RIPOR2: variants seen among roughly 807,000 people sequenced by gnomAD.
RIPOR2 encodes the protein RHO family interacting cell polarization regulator 2, also known as rho family-interacting cell polarization regulator 2.
RIPOR2 carries 39 observed loss-of-function variants against 114.5 expected under a neutral mutation model. The ratio of observed to expected loss-of-function variants is 0.34; its 90% CI spans 0.26 to 0.44. RIPOR2 has a LOEUF of 0.44. RIPOR2 is among the 20% of genes least tolerant of loss of function. The pLI is 1.00. For synonymous variants in RIPOR2, 445 were observed against 484.4 expected, an observed-to-expected ratio of 0.92 and a Z score of 1.07; for missense variants, 1,007 against 1,255.1, an observed-to-expected ratio of 0.80 and a Z score of 2.99.
At chr6:24,930,976 C>T (rs1422950369) in intron 1 of RIPOR2, among the ~76,000 whole-genome samples, 1 of 152,154 alleles carries the variant, frequency 6.6e-6, no homozygotes, top group Non-Finnish European at 1.5e-5. Context: ...ATCTCCAATC[C>T]TCTCTAGCCA....
intron 15 of RIPOR2, among the ~76,000 whole-genome samples, chr6:24,833,853 T>A (rs2113691575): frequency 6.6e-6 from 1 of 152,274 alleles, no homozygotes; most frequent in Non-Finnish European, 1.5e-5. Flanking sequence ...AAACACTGCA[T>A]TGACTGCTTG....
intron 1 of RIPOR2, among the ~76,000 whole-genome samples, chr6:24,993,066 T>G (rs1336866280): frequency 6.6e-6 from 1 of 152,198 alleles, no homozygotes; most frequent in African/African-American, 2.4e-5. Context: ...TTGTTTGTAT[T>G]TCTGTCAGAT....
chr6:24,958,058 T>A (rs1773123700), intron 1 of RIPOR2, among the ~76,000 whole-genome samples: 1 of 151,746 alleles, frequency 6.6e-6, no homozygotes, highest in Admixed American at 6.6e-5. Flanking sequence ...AAGGATATAA[T>A]CTAAGAGAAC....
chr6:24,863,760 A>G (rs369303242), intron 7 of RIPOR2, among the ~76,000 whole-genome samples: 1 of 152,240 alleles, frequency 6.6e-6, no homozygotes, highest in African/African-American at 2.4e-5. Context: ...TGTTCATGTC[A>G]CATTATTTAT....
In RIPOR2 at chr6:24,839,687, G is replaced by A. The variant is rs1761463647; in HGVS notation, c.1858-415C>T. On this transcript the variant is annotated intron_variant, in intron 13 of 21. Coordinates refer to ENST00000643898, the MANE Select transcript of RIPOR2 (RefSeq NM_001286445.3). ...GTCAACCACAAAGCCTTGGGAAACA[G>A]AACTGCTATATCCCTCTGCCTAGTG... 3 of 1,517,830 alleles carry A rather than the reference G, an allele frequency of 2.0e-6. No individual in the cohort carries two copies. In the East Asian group the frequency reaches 7.4e-5, roughly 37 times the overall value. 94.0% of individuals were successfully genotyped at this position (1,517,830 alleles called of 1,614,324 possible).
rs1760354874 is a variant in RIPOR2, at chr6:24,828,235, A to G, written c.2567T>C (p.Leu856Pro). 6.4e-7 allele frequency: 1 copy of G among 1,551,420 alleles called. No individual in the cohort carries two copies. The highest frequency in any genetic ancestry group is 8.7e-7 in the Non-Finnish European group (1 of 1,146,774). ...GAAAACAGTGACGACTTCCGAGGAC[A>G]GGCTGGAGGAAAGCAGAGGCTCAGC... Reference protein sequence around the residue: ...DRAEPLLSSSLSSEVVTVFQY... With the variant: ...DRAEPLLSSSPSSEVVTVFQY... The change falls in exon 18 of 22, where the codon CTG (leucine) becomes CCG (proline). Residue 856 changes from leucine (L) to proline (P), a missense_variant. Physicochemically the swap from Leu to Pro is moderately conservative, Grantham distance 98 (BLOSUM62 -3). Transcript: ENST00000643898.
intron 16 of RIPOR2, 51 bp from the exon 17 acceptor site, chr6:24,830,721 A>G (rs533284466): frequency 5.1e-5 from 77 of 1,504,620 alleles, no homozygotes; most frequent in Admixed American, 4.3e-4. Context: ...ATTTTATTTT[A>G]TTTTATTTTT....
intron 1 of RIPOR2, among the ~76,000 whole-genome samples, chr6:25,035,543 G>T (rs1777201733): frequency 6.6e-6 from 1 of 152,166 alleles, no homozygotes; most frequent in African/African-American, 2.4e-5. Context: ...TTCTGCTGTG[G>T]TCTGGGACAC....
chr6:24,872,945 A>T lies in RIPOR2; in HGVS notation c.359T>A (p.Val120Asp). The T allele has an allele frequency of 6.2e-7, 1 of 1,608,080 alleles. No individual in the cohort carries two copies. The highest frequency in any genetic ancestry group is 8.5e-7 in the Non-Finnish European group (1 of 1,174,768). Residue 120 changes from valine (V) to aspartate (D), a missense_variant, in exon 4 of 22, where the codon GTT becomes GAT. Val to Asp is a radical substitution (Grantham distance 152). Coordinates refer to ENST00000643898, the MANE Select transcript of RIPOR2 (RefSeq NM_001286445.3). ...CAACTTGTCCAGCTCCGTCTGGTGA[A>T]CCTCCAGATATTCACTGCAAAGATA... ...LKNGLDEYLE[V>D]HQTELDKLTA...
At chr6:24,860,843 G>A in intron 8 of RIPOR2, 130 bp downstream of exon 8, 2 of 599,620 alleles carry the variant, frequency 3.3e-6, no homozygotes, top group Non-Finnish European at 3.0e-6. Context: ...ATCAAAAGTG[G>A]GGTGGGTTGA....
chr6:24,948,773 C>A (rs188692280), intron 1 of RIPOR2, among the ~76,000 whole-genome samples: 4 of 152,150 alleles, frequency 2.6e-5, no homozygotes, highest in African/African-American at 9.7e-5. Context: ...TCAGGTGATC[C>A]GCTCACCTTG....
chr6:24,972,500 G>A (rs1347218255), intron 1 of RIPOR2, among the ~76,000 whole-genome samples: 1 of 152,156 alleles, frequency 6.6e-6, no homozygotes, highest in Admixed American at 6.5e-5. Context: ...CAGGCATTAT[G>A]ACATTTACCC....
chr6:24,983,193 TAC>T (rs5875016), intron 1 of RIPOR2, among the ~76,000 whole-genome samples: 24,764 of 147,020 alleles, frequency 0.17, 2,732 homozygotes, highest in East Asian at 0.53. Context: ...GTTGAACACG[TAC>T]ACACACACAC....
chr6:24,925,374 T>C (rs1290750614), intron 1 of RIPOR2, among the ~76,000 whole-genome samples: 1 of 152,204 alleles, frequency 6.6e-6, no homozygotes, highest in Non-Finnish European at 1.5e-5. Context: ...ATGATGCTTC[T>C]GACCCACCAT....
intron 1 of RIPOR2, among the ~76,000 whole-genome samples, chr6:24,920,535 T>C (rs1187497300): frequency 6.6e-6 from 1 of 152,208 alleles, no homozygotes. Flanking sequence ...CATGGTCTTA[T>C]GGAACACACC....
intron 1 of RIPOR2, among the ~76,000 whole-genome samples, chr6:24,947,680 T>C (rs117874761): frequency 0.012 from 1,830 of 151,552 alleles, 21 homozygotes; most frequent in South Asian, 0.029. Flanking sequence ...GGGCTCTACC[T>C]TTTCTTCTCT....
chr6:24,923,992 T>G (rs1413139796), intron 1 of RIPOR2, among the ~76,000 whole-genome samples: 1 of 152,190 alleles, frequency 6.6e-6, no homozygotes, highest in South Asian at 2.1e-4. Flanking sequence ...TGGGTGTGTG[T>G]GGCAGTGCTT....
intron 1 of RIPOR2, among the ~76,000 whole-genome samples, chr6:24,942,783 G>T (rs1219666415): frequency 6.6e-6 from 1 of 151,982 alleles, no homozygotes; most frequent in Non-Finnish European, 1.5e-5. Flanking sequence ...TTGTAAATTT[G>T]TTTGAGTTCA....
chr6:24,900,760 T>C (rs1223942969), intron 1 of RIPOR2, among the ~76,000 whole-genome samples: 1 of 152,160 alleles, frequency 6.6e-6, no homozygotes, highest in Non-Finnish European at 1.5e-5. Context: ...TCTGTAGTTT[T>C]CTGTCAATAT....
Sources: gnomAD v4.1 joint callset for allele counts (sites outside exome capture counted in the v4.1 genomes callset) on GRCh38, gnomAD v4.1.1 for gene constraint, MANE v1.5 for transcripts, NCBI Gene and HGNC (gene_info 2026-07-23, HGNC 2026-07-21) for gene names.